The following MAST4 variants were observed in gnomAD, a reference collection of about 807,000 sequenced individuals.
The protein encoded by MAST4 is microtubule associated serine/threonine kinase family member 4.
A neutral mutation model predicts 162.7 loss-of-function variants in MAST4; 89 were observed. The observed-to-expected ratio is 0.55, with a 90% CI of 0.46 to 0.65. The LOEUF (loss-of-function observed/expected upper bound fraction) is 0.65. MAST4 is among the 30% of genes least tolerant of loss of function. MAST4 has a pLI of 0.00. For synonymous variants in MAST4, 1,479 were observed against 1,361.1 expected, an observed-to-expected ratio of 1.09 and a Z score of -1.91; for missense variants, 3,153 against 3,374.0, an observed-to-expected ratio of 0.93 and a Z score of 1.62.
At chr5:66,777,311 A>G (rs79626821) in intron 2 of MAST4, among the ~76,000 whole-genome samples, 2,451 of 152,306 alleles carry the variant, frequency 0.016, 57 homozygotes, top group African/African-American at 0.056. Flanking sequence ...GCTGTTTAAC[A>G]GTGAAAAGTA....
intron 4 of MAST4, among the ~76,000 whole-genome samples, chr5:66,977,401 A>G (rs766616419): frequency 6.6e-6 from 1 of 152,266 alleles, no homozygotes; most frequent in South Asian, 2.1e-4. Flanking sequence ...ACGCCCGGCT[A>G]TCAGACATTT....
At position 66,807,827 on chromosome 5, in the gene MAST4, G is replaced by A. The variant is rs1015735497; in HGVS notation, c.642+19033G>A. On this transcript the variant is annotated intron_variant, in intron 3 of 28. Coordinates refer to ENST00000403625, the MANE Select transcript of MAST4 (RefSeq NM_001164664.2). Reference sequence around the variant, plus strand: ...CAGGCAGCTGCTTCCCTAAGACTGTGCCGTCTTCCACTTCCACTCCCATCA... The same window carrying A: ...CAGGCAGCTGCTTCCCTAAGACTGTACCGTCTTCCACTTCCACTCCCATCA... Among the ~76,000 whole-genome samples, 12 of 152,284 alleles carry A rather than the reference G, an allele frequency of 7.9e-5. No homozygotes were observed. The South Asian group carries it at 2.5e-3, about 32-fold the overall frequency.
intron 4 of MAST4, among the ~76,000 whole-genome samples, chr5:66,937,793 C>CT (rs1330080727): frequency 2.6e-5 from 4 of 151,846 alleles, no homozygotes; most frequent in Non-Finnish European, 5.9e-5. Context: ...CCTGTGGCAT[C>CT]TAATTTTTTC....
At chr5:66,928,216 C>T (rs1304474392) in intron 4 of MAST4, among the ~76,000 whole-genome samples, 1 of 152,158 alleles carries the variant, frequency 6.6e-6, no homozygotes, top group Non-Finnish European at 1.5e-5. Context: ...CTGCTCAAGT[C>T]TAGAAGGCAG....
At chr5:66,774,995 CTGTGTGTGTGTGTGTGTGTGTGTGTGTG>C (rs33936607) in intron 2 of MAST4, among the ~76,000 whole-genome samples, 1 of 142,030 alleles carries the variant, frequency 7.0e-6, no homozygotes, top group African/African-American at 2.7e-5. Context: ...TATCCTTTTC[CTGTGTGTGTGTGTGTGTGTGTGTGTGTG>C]TGTGTGTGTG....
chr5:66,757,699 G>C (rs1561310602), intron 1 of MAST4, among the ~76,000 whole-genome samples: 1 of 152,136 alleles, frequency 6.6e-6, no homozygotes. Flanking sequence ...GTGTGAAGAG[G>C]AGAGAGAGCA....
At chr5:67,058,540 T>G (rs1759148973) in intron 5 of MAST4, among the ~76,000 whole-genome samples, 1 of 152,228 alleles carries the variant, frequency 6.6e-6, no homozygotes, top group African/African-American at 2.4e-5. Context: ...AGTAATGGAC[T>G]AGTTAAGTAA....
At chr5:66,602,602 C>G (rs1742628676) in intron 1 of MAST4, among the ~76,000 whole-genome samples, 1 of 151,854 alleles carries the variant, frequency 6.6e-6, no homozygotes, top group Non-Finnish European at 1.5e-5. Context: ...TAGGACGTGT[C>G]CCACAGTGAG....
At chr5:66,746,454 G>A (rs776568440) in intron 1 of MAST4, among the ~76,000 whole-genome samples, 15 of 152,284 alleles carry the variant, frequency 9.9e-5, no homozygotes, top group Non-Finnish European at 1.6e-4. Flanking sequence ...GCTGAGAGCT[G>A]TGAAGGATTT....
intron 1 of MAST4, among the ~76,000 whole-genome samples, chr5:66,719,768 C>T (rs1481409904): frequency 6.6e-6 from 1 of 152,014 alleles, no homozygotes; most frequent in Non-Finnish European, 1.5e-5. Flanking sequence ...ACACTAAGAT[C>T]TACTACATTG....
intron 4 of MAST4, among the ~76,000 whole-genome samples, chr5:66,900,562 G>A (rs462548): frequency 0.54 from 81,521 of 151,548 alleles, 22,301 homozygotes; most frequent in Middle Eastern, 0.61. Context: ...AATTTTTTCC[G>A]TTAGCAAGTT....
chr5:66,993,470 TAA>T (rs939329704), intron 4 of MAST4, among the ~76,000 whole-genome samples: 34 of 152,032 alleles, frequency 2.2e-4, no homozygotes, highest in African/African-American at 8.2e-4. Context: ...GAATGACTGG[TAA>T]AAAAGAGGCA....
chr5:66,897,890 A>G (rs1762783619), intron 3 of MAST4, among the ~76,000 whole-genome samples: 1 of 152,232 alleles, frequency 6.6e-6, no homozygotes, highest in Non-Finnish European at 1.5e-5. Context: ...AGAGCAAAGC[A>G]GCCAGTTTAT....
intron 1 of MAST4, among the ~76,000 whole-genome samples, chr5:66,643,076 G>A (rs1745590744): frequency 6.6e-6 from 1 of 152,104 alleles, no homozygotes; most frequent in South Asian, 2.1e-4. Context: ...ATATATGGCT[G>A]ACACGCTCAG....
At chr5:66,797,544 T>C (rs559478904) in intron 3 of MAST4, among the ~76,000 whole-genome samples, 1 of 152,308 alleles carries the variant, frequency 6.6e-6, no homozygotes, top group East Asian at 1.9e-4. Flanking sequence ...TTCCCTCTTA[T>C]TTGACTAGTA....
intron 4 of MAST4, among the ~76,000 whole-genome samples, chr5:66,935,416 T>A (rs559532548): frequency 2.0e-5 from 3 of 152,162 alleles, no homozygotes; most frequent in Non-Finnish European, 4.4e-5. Flanking sequence ...CCTTGCAACC[T>A]CATTACTACC....
chr5:67,092,277 C>T (rs36087940), intron 6 of MAST4, among the ~76,000 whole-genome samples: 17,123 of 152,178 alleles, frequency 0.11, 1,225 homozygotes, highest in South Asian at 0.17. Flanking sequence ...TCTTTTCTGA[C>T]CTTTCTTACC....
chr5:66,622,664 T>C (rs1400379668), intron 1 of MAST4, among the ~76,000 whole-genome samples: 2 of 152,146 alleles, frequency 1.3e-5, no homozygotes, highest in African/African-American at 4.8e-5. Context: ...AGGATGTGTA[T>C]TGAACATAAA....
At chr5:66,735,575 G>A (rs1373533039) in intron 1 of MAST4, among the ~76,000 whole-genome samples, 2 of 152,174 alleles carry the variant, frequency 1.3e-5, no homozygotes, top group African/African-American at 4.8e-5. Context: ...TCCTGGTAGA[G>A]CAAGATACAC....
Sources: gnomAD v4.1 joint callset for allele counts (sites outside exome capture counted in the v4.1 genomes callset) on GRCh38, gnomAD v4.1.1 for gene constraint, MANE v1.5 for transcripts, NCBI Gene and HGNC (gene_info 2026-07-23, HGNC 2026-07-21) for gene names.